The following PCDH9 variants were observed in gnomAD, a reference collection of about 807,000 sequenced individuals.
The protein encoded by PCDH9 is protocadherin 9, also known as protocadherin-9.
In PCDH9, 24 loss-of-function variants were observed where a neutral mutation model predicts 70.6. That is an observed-to-expected ratio of 0.34 (90% CI 0.25 to 0.48). The LOEUF (loss-of-function observed/expected upper bound fraction) is 0.48, where lower values mean the gene tolerates loss of function less well. Among genes scored for constraint, PCDH9 ranks in the 20% least tolerant of loss-of-function variants. PCDH9 has a pLI of 0.99. For missense variants in PCDH9, 1,281 were observed against 1,503.6 expected, an observed-to-expected ratio of 0.85 and a Z score of 2.45; for synonymous variants, 562 against 558.5, an observed-to-expected ratio of 1.01 and a Z score of -0.09.
At chr13:67,064,074 TC>T (rs2085593471) in intron 2 of PCDH9, among the ~76,000 whole-genome samples, 1 of 152,158 alleles carries the variant, frequency 6.6e-6, no homozygotes, top group African/African-American at 2.4e-5. Context: ...CAGAAAATTG[TC>T]CCATCTGGTC....
At chr13:67,094,593 T>C (rs1240869463) in intron 2 of PCDH9, among the ~76,000 whole-genome samples, 1 of 151,888 alleles carries the variant, frequency 6.6e-6, no homozygotes, top group African/African-American at 2.4e-5. Context: ...AAGAATATCA[T>C]GATATAAATC....
intron 3 of PCDH9, among the ~76,000 whole-genome samples, chr13:66,773,938 CG>C (rs1566184898): frequency 6.6e-6 from 1 of 151,572 alleles, no homozygotes; most frequent in East Asian, 2.0e-4. Flanking sequence ...CCACCAAGCC[CG>C]GCTAATTTTT....
intron 2 of PCDH9, among the ~76,000 whole-genome samples, chr13:67,111,152 T>A (rs989708875): frequency 1.3e-5 from 2 of 152,220 alleles, no homozygotes; most frequent in Non-Finnish European, 2.9e-5. Flanking sequence ...TCTAATTATA[T>A]GTGCATATAT....
chr13:66,704,676 GACTGGTAAGTGTA>G (rs2078688934), intron 3 of PCDH9, among the ~76,000 whole-genome samples: 1 of 152,096 alleles, frequency 6.6e-6, no homozygotes. Flanking sequence ...AAGAAAATGA[GACTGGTAAGTGTA>G]ACTTTTTGCA....
intron 3 of PCDH9, 122 bp downstream of exon 3, chr13:66,903,382 A>G: frequency 2.4e-6 from 1 of 412,234 alleles, no homozygotes; most frequent in Non-Finnish European, 4.5e-6. Context: ...CATTAGTATA[A>G]AAATGTGACC....
At chr13:66,552,005 G>T (rs1455541900) in intron 4 of PCDH9, among the ~76,000 whole-genome samples, 1 of 152,062 alleles carries the variant, frequency 6.6e-6, no homozygotes, top group Admixed American at 6.6e-5. Flanking sequence ...TGAACACAAA[G>T]AATATTAATG....
At chr13:66,928,680 C>T (rs532537538) in intron 2 of PCDH9, among the ~76,000 whole-genome samples, 1 of 152,162 alleles carries the variant, frequency 6.6e-6, no homozygotes, top group Non-Finnish European at 1.5e-5. Flanking sequence ...AAGGACACAG[C>T]AAGAAGTCAC....
chr13:67,059,214 T>C (rs1412948459), intron 2 of PCDH9, among the ~76,000 whole-genome samples: 1 of 151,650 alleles, frequency 6.6e-6, no homozygotes, highest in Non-Finnish European at 1.5e-5. Context: ...TTTTATGCAA[T>C]AGACATCAGC....
chr13:66,937,718 G>GA (rs2082939662), intron 2 of PCDH9, among the ~76,000 whole-genome samples: 2 of 152,286 alleles, frequency 1.3e-5, no homozygotes, highest in South Asian at 4.1e-4. Context: ...ACCACTCATA[G>GA]ACTGCTGAAT....
rs780652457 is a variant in PCDH9 at position 67,226,689 on chromosome 13, A to T, written c.1752T>A (p.Asn584Lys). Reference protein sequence around the residue: ...HNHFQFFVSENLPKYSTVGVI... With the variant: ...HNHFQFFVSEKLPKYSTVGVI... ...CCCCCACAGTACTATACTTTGGCAG[A>T]TTCTCAGACACAAAAAATTGAAAAT... The change falls in exon 2 of 5, where the codon AAT becomes AAA. Residue 584 changes from asparagine to lysine, a missense_variant. Around this residue, in one of 4 missense-constraint regions of PCDH9, gnomAD observed 798 missense variants for 1,003.1 expected, o/e 0.80. Transcript: ENST00000377865. This position sits in a 1 kb window ranked among gnomAD's most constrained non-coding sequence, Gnocchi z 5.0. 6.2e-7 allele frequency: 1 copy of T among 1,614,106 alleles called. No homozygotes were observed.
intron 2 of PCDH9, among the ~76,000 whole-genome samples, chr13:66,917,955 G>A (rs989416733): frequency 1.3e-5 from 2 of 151,268 alleles, no homozygotes; most frequent in African/African-American, 4.8e-5. Context: ...TGTCTTAGGT[G>A]TCCAGAAAAG....
chr13:66,980,730 G>GTTTTTTTTTTTTTTTTTT lies in PCDH9; in HGVS notation c.3037-77126_3037-77125insAAAAAAAAAAAAAAAAAA. 5.1e-3 allele frequency among the ~76,000 whole-genome samples: 361 copies of GTTTTTTTTTTTTTTTTTT among 70,882 alleles called. 20 individuals carry two copies. Among genetic ancestry groups the GTTTTTTTTTTTTTTTTTT allele is most frequent in the Non-Finnish European group, 7.6e-3 (286 of 37,610 alleles). The allele number at this position is 70,882 out of a possible 152,430, so 46.5% of individuals were successfully genotyped here. On this transcript the variant is annotated intron_variant, in intron 2 of 4. Coordinates refer to ENST00000377865, the MANE Select transcript of PCDH9 (RefSeq NM_203487.3). ...TTTGTTTTTTCCTGTTTTTTTCTTT[G>GTTTTTTTTTTTTTTTTTT]TTTTTTTTTTTGTTTTTTTTTTTAC...
At chr13:66,385,657 T>C (rs1301699951) in intron 4 of PCDH9, among the ~76,000 whole-genome samples, 2 of 152,232 alleles carry the variant, frequency 1.3e-5, no homozygotes, top group Non-Finnish European at 2.9e-5. Context: ...TTATTCCTTC[T>C]TATTATATAA....
intron 3 of PCDH9, among the ~76,000 whole-genome samples, chr13:66,668,577 C>T (rs1287603202): frequency 6.6e-6 from 1 of 152,044 alleles, no homozygotes; most frequent in Admixed American, 6.6e-5. Flanking sequence ...TAAATAGCCC[C>T]CTTGTTTGAT....
At chr13:66,594,194 T>C (rs1489072101) in intron 4 of PCDH9, among the ~76,000 whole-genome samples, 1 of 151,628 alleles carries the variant, frequency 6.6e-6, no homozygotes, top group Non-Finnish European at 1.5e-5. Flanking sequence ...TGAAAAAATA[T>C]CCATAACATT....
intron 2 of PCDH9, among the ~76,000 whole-genome samples, chr13:67,036,261 T>A (rs569723679): frequency 6.6e-6 from 1 of 152,280 alleles, no homozygotes; most frequent in Non-Finnish European, 1.5e-5. Flanking sequence ...GTGAGGTTGG[T>A]TTTTGTCCCC....
Position 67,176,851 on chromosome 13 carries a change from A to G in PCDH9, c.3036+48554T>C, listed in dbSNP as rs1055168856. Among the ~76,000 whole-genome samples, 11 of 152,212 alleles carry G rather than the reference A, an allele frequency of 7.2e-5. No individual in the cohort carries two copies. In the South Asian group the frequency reaches 1.2e-3, roughly 17 times the overall value. ...ATCCTACTTTCATTTATCTAATATA[A>G]TAAAGGTAGTATGCCTGTGATCTTA... On this transcript the variant is annotated intron_variant, in intron 2 of 4. Coordinates refer to ENST00000377865, the MANE Select transcript of PCDH9 (RefSeq NM_203487.3).
At chr13:66,479,158 G>T (rs1188776291) in intron 4 of PCDH9, among the ~76,000 whole-genome samples, 1 of 152,176 alleles carries the variant, frequency 6.6e-6, no homozygotes, top group Non-Finnish European at 1.5e-5. Context: ...TATCTTTTGA[G>T]AGCATGGTTT....
chr13:66,733,510 A>G (rs1045264435), intron 3 of PCDH9, among the ~76,000 whole-genome samples: 1 of 152,220 alleles, frequency 6.6e-6, no homozygotes, highest in Non-Finnish European at 1.5e-5. Flanking sequence ...TATAAGCTGT[A>G]GAATATACGT....
Sources: allele counts gnomAD v4.1 joint callset (sites outside exome capture counted in the v4.1 genomes callset), GRCh38; gene constraint gnomAD v4.1.1; regional missense constraint gnomAD v4.1.1; non-coding constraint Gnocchi (gnomAD v3.1); transcripts MANE v1.5; gene names NCBI Gene and HGNC (gene_info 2026-07-23, HGNC 2026-07-21).